PTPRS: variants seen among roughly 807,000 people sequenced by gnomAD.
PTPRS encodes receptor-type tyrosine-protein phosphatase S.
PTPRS carries 63 observed loss-of-function variants against 215.3 expected under a neutral mutation model. The observed-to-expected ratio is 0.29, with a 90% CI of 0.24 to 0.36. The LOEUF (loss-of-function observed/expected upper bound fraction) is 0.36. PTPRS is among the 10% of genes least tolerant of loss of function. The pLI is 1.00. For missense variants in PTPRS, 2,258 were observed against 2,825.8 expected, an observed-to-expected ratio of 0.80 and a Z score of 4.56; for synonymous variants, 1,404 against 1,191.4, an observed-to-expected ratio of 1.18 and a Z score of -3.68.
rs934468399 is a variant in PTPRS at position 5,284,187 on chromosome 19, C to T, written c.91+1863G>A. On this transcript the variant is annotated intron_variant, in intron 2 of 37. Transcript: ENST00000262963. ...CACCCTGGCTAACATGGTGAAACCC[C>T]GTCTCTACTAAAAATACAAAAAATT... Among the ~76,000 whole-genome samples, 12 of 151,010 alleles carry T rather than the reference C, an allele frequency of 7.9e-5. No individual in the cohort carries two copies. In the South Asian group the frequency reaches 8.4e-4, roughly 11 times the overall value.
At position 5,208,321 on chromosome 19, in the gene PTPRS, C is replaced by T; in HGVS notation, c.5558G>A (p.Gly1853Glu). Residue 1853 changes from glycine to glutamate, a missense_variant, in exon 36 of 38, where the codon GGG (glycine) becomes GAG (glutamate). Physicochemically the swap from Gly to Glu is moderately conservative, Grantham distance 98 (BLOSUM62 -2). Around this residue, in one of 6 missense-constraint regions of PTPRS, gnomAD observed 927 missense variants for 1,125.9 expected, o/e 0.82. Coordinates refer to ENST00000262963, the MANE Select transcript of PTPRS (RefSeq NM_002850.4). ...DWPEQGVPKS[G>E]EGFIDFIGQV... ...GCCAATGAAGTCGATGAAGCCCTCCCCCGACTTTGGCACACCCTGTTCCGG... is the reference window on the plus strand; with the variant it reads ...GCCAATGAAGTCGATGAAGCCCTCCTCCGACTTTGGCACACCCTGTTCCGG... 6.2e-7 allele frequency: 1 copy of T among 1,614,040 alleles called. No individual in the cohort carries two copies. The highest frequency in any genetic ancestry group is 8.5e-7 in the Non-Finnish European group (1 of 1,179,914).
At chr19:5,261,913 C>T (rs948110153) in intron 6 of PTPRS, among the ~76,000 whole-genome samples, 2 of 152,202 alleles carry the variant, frequency 1.3e-5, no homozygotes, top group African/African-American at 4.8e-5. Flanking sequence ...GAATCCGAGT[C>T]AGCGGAAATC....
At chr19:5,290,714 C>T (rs2048742995) in intron 1 of PTPRS, among the ~76,000 whole-genome samples, 1 of 151,982 alleles carries the variant, frequency 6.6e-6, no homozygotes, top group Non-Finnish European at 1.5e-5. Flanking sequence ...CATCCCATGG[C>T]CCCAGGGCAG....
intron 13 of PTPRS, 139 bp downstream of exon 13, chr19:5,238,780 G>A (rs945122549): frequency 1.2e-5 from 14 of 1,208,066 alleles, no homozygotes; most frequent in Non-Finnish European, 9.8e-6. Flanking sequence ...ATCCGAGGTC[G>A]GGGAACAAAG....
rs893576011 is a variant in PTPRS at position 5,257,880 on chromosome 19, G to A, written c.706+137C>T. The stretch of plus-strand genomic sequence containing the variant: ...AGAGAGGGACGCCGCCTCGGCCAAG[G>A]TCCCACCGCGACCGGGGAGGGGCCT... On this transcript the variant is annotated intron_variant, in intron 8 of 37. Transcript: ENST00000262963. This position sits in a 1 kb window ranked among gnomAD's most constrained non-coding sequence, Gnocchi z 4.4. 4.3e-6 allele frequency: 3 copies of A among 694,956 alleles called. No homozygotes were observed. The African/African-American group carries it at 5.4e-5, about 12-fold the overall frequency. 43.0% of individuals were successfully genotyped at this position (694,956 alleles called of 1,614,324 possible). A position where few individuals can be genotyped will look rare whatever the true frequency, so the allele number is the denominator to read the frequency against.
rs1369767735 is a variant in PTPRS, at chr19:5,212,079, C to T, written c.4941G>A (p.Glu1647=). 1 of 1,613,976 alleles carries T rather than the reference C, an allele frequency of 6.2e-7. No homozygotes were observed. Among genetic ancestry groups the T allele is most frequent in the African/African-American group, 1.3e-5 (1 of 74,958 alleles). Residue 1647 remains glutamate, a synonymous_variant, in exon 32 of 38, where the codon GAG becomes GAA. Coordinates refer to ENST00000262963, the MANE Select transcript of PTPRS (RefSeq NM_002850.4). ...QYSFIHEALL[E]AVGCGNTEVP... is the part of the protein sequence containing the mutation. ...CTTCTGTGTTGCCACAGCCCACGGC[C>T]TCCAGCAGGGCCTCGTGGATGAAGC...
At position 5,245,924 on chromosome 19, in the gene PTPRS, C is replaced by G. The variant is rs2044440838; in HGVS notation, c.840G>C (p.Gln280His). The G allele has an allele frequency of 1.2e-6, 2 of 1,613,594 alleles. No homozygotes were observed. Residue 280 changes from glutamine (Q) to histidine (H), a missense_variant, in exon 10 of 38, where the codon CAG becomes CAC. Physicochemically the swap from Gln to His is conservative, Grantham distance 24. This residue lies in a region of PTPRS where 508 missense variants were observed against 799.4 expected (regional missense o/e 0.64). Coordinates refer to ENST00000262963, the MANE Select transcript of PTPRS (RefSeq NM_002850.4). The part of the protein sequence containing the change: ...GSPMPYVKWM[Q>H]GAEDLTPEDD... The stretch of plus-strand genomic sequence containing the variant: ...CCTCGGGGGTCAGGTCCTCGGCCCC[C>G]TGCATCCACTTCACGTATGGCATGG...
intron 1 of PTPRS, among the ~76,000 whole-genome samples, chr19:5,322,171 C>T (rs1302893859): frequency 6.6e-6 from 1 of 152,230 alleles, no homozygotes; most frequent in African/African-American, 2.4e-5. Context: ...CTGGCGTGAG[C>T]CTTTAGCGGA....
At chr19:5,283,465 T>A (rs996352929) in intron 2 of PTPRS, among the ~76,000 whole-genome samples, 1 of 151,976 alleles carries the variant, frequency 6.6e-6, no homozygotes, top group African/African-American at 2.4e-5. Context: ...TAATCCCAGC[T>A]ACTCGGGAGG....
intron 9 of PTPRS, among the ~76,000 whole-genome samples, chr19:5,255,672 G>A (rs1011122634): frequency 2.6e-5 from 4 of 152,160 alleles, no homozygotes; most frequent in Admixed American, 6.5e-5. Context: ...AACAGAAGGC[G>A]TTGGGAATTC....
chr19:5,335,869 G>A (rs1197306890), intron 1 of PTPRS, among the ~76,000 whole-genome samples: 4 of 151,970 alleles, frequency 2.6e-5, no homozygotes, highest in African/African-American at 7.3e-5. Flanking sequence ...ATATCCCCTC[G>A]GCCTCTGCGG....
rs1221295847 is a variant in PTPRS, at chr19:5,205,889, C to T, written c.*885G>A. ...CAGCGTCCCCCTCAACCGCACCCAA[C>T]GCCACTGGGTCCGAGCTCCCCCATG... On this transcript the variant is annotated 3_prime_UTR_variant, in exon 38 of 38. Transcript: ENST00000262963. Among the ~76,000 whole-genome samples, 1 of 151,966 alleles carries T rather than the reference C, an allele frequency of 6.6e-6. No individual in the cohort carries two copies. The highest frequency in any genetic ancestry group is 1.5e-5 in the Non-Finnish European group (1 of 67,988).
chr19:5,295,018 G>C lies in PTPRS; in HGVS notation c.-94-8784C>G, dbSNP rs987588293. On this transcript the variant is annotated intron_variant, in intron 1 of 37. Coordinates refer to ENST00000262963, the MANE Select transcript of PTPRS (RefSeq NM_002850.4). The surrounding 1 kb of genome is among the most constrained non-coding windows in gnomAD (Gnocchi z 4.6). ...GTCAATGTAGGCGTAGGAGCAACCA[G>C]CGTGACCTCCCCAACTTGGCTGGGC... 6.6e-6 allele frequency among the ~76,000 whole-genome samples: 1 copy of C among 152,230 alleles called. No homozygotes were observed. The highest frequency in any genetic ancestry group is 2.4e-5 in the African/African-American group (1 of 41,464).
chr19:5,246,848 T>C (rs1027199051), intron 9 of PTPRS, among the ~76,000 whole-genome samples: 6 of 151,994 alleles, frequency 3.9e-5, no homozygotes, highest in Middle Eastern at 6.8e-3. Context: ...CATCAATAGA[T>C]GCAGCTCTGA....
chr19:5,239,460 GAGAGAC>G (rs1349722980), intron 12 of PTPRS, among the ~76,000 whole-genome samples: 8 of 151,696 alleles, frequency 5.3e-5, no homozygotes, highest in African/African-American at 1.7e-4. Flanking sequence ...AGATAAATGG[GAGAGAC>G]AGAGACAGAG....
intron 2 of PTPRS, among the ~76,000 whole-genome samples, chr19:5,279,375 C>A (rs1053067607): frequency 1.3e-4 from 20 of 151,414 alleles, no homozygotes; most frequent in East Asian, 3.9e-4. Context: ...TCTTCTTCTT[C>A]TTATTTTTTT....
chr19:5,218,870 G>A (rs1408670506), intron 23 of PTPRS, 72 bp from the exon 24 acceptor site: 3 of 1,476,850 alleles, frequency 2.0e-6, no homozygotes, highest in African/African-American at 1.4e-5. Flanking sequence ...CGGCCATCAA[G>A]GGCTTGTTCT....
intron 1 of PTPRS, among the ~76,000 whole-genome samples, chr19:5,317,280 C>T (rs367680964): frequency 3.6e-4 from 54 of 152,094 alleles, no homozygotes; most frequent in African/African-American, 1.1e-3. Flanking sequence ...GAGACCAGCC[C>T]GGCCAACATG....
Position 5,210,356 on chromosome 19 carries a change from G to T in PTPRS, c.5487+113C>A. 1 of 1,471,840 alleles carries T rather than the reference G, an allele frequency of 6.8e-7. No individual in the cohort carries two copies. The highest frequency in any genetic ancestry group is 9.3e-7 in the Non-Finnish European group (1 of 1,075,682). 91.2% of individuals were successfully genotyped at this position (1,471,840 alleles called of 1,614,324 possible). On this transcript the variant is annotated intron_variant, in intron 35 of 37. Coordinates refer to ENST00000262963, the MANE Select transcript of PTPRS (RefSeq NM_002850.4). This position sits in a 1 kb window ranked among gnomAD's most constrained non-coding sequence, Gnocchi z 4.5. Reference sequence around the variant, plus strand: ...CAACTGGTCAGCTGACACTTCTCCTGATTCCCAATGCTTATGCCTAACCCT... The same window carrying T: ...CAACTGGTCAGCTGACACTTCTCCTTATTCCCAATGCTTATGCCTAACCCT...
Sources: allele counts gnomAD v4.1 joint callset (sites outside exome capture counted in the v4.1 genomes callset), GRCh38; gene constraint gnomAD v4.1.1; regional missense constraint gnomAD v4.1.1; non-coding constraint Gnocchi (gnomAD v3.1); transcripts MANE v1.5; gene names NCBI Gene and HGNC (gene_info 2026-07-23, HGNC 2026-07-21).